The following TRPM3 variants were observed in gnomAD, a reference collection of about 807,000 sequenced individuals.
The protein encoded by TRPM3 is transient receptor potential cation channel subfamily M member 3, also known as long transient receptor potential channel 3.
In TRPM3, 77 loss-of-function variants were observed where a neutral mutation model predicts 181.2. That is an observed-to-expected ratio of 0.42 (90% CI 0.35 to 0.51). The LOEUF is 0.51. TRPM3 is among the 20% of genes least tolerant of loss of function. The pLI, the probability that TRPM3 is intolerant of heterozygous loss-of-function variation, is 0.01. For synonymous variants in TRPM3, 745 were observed against 796.4 expected (o/e 0.94, Z 1.09); for missense variants, 1,759 against 2,196.7 (o/e 0.80, Z 3.98).
intron 1 of TRPM3, among the ~76,000 whole-genome samples, chr9:71,046,604 C>T (rs1053173932): frequency 1.3e-5 from 2 of 152,156 alleles, no homozygotes; most frequent in Admixed American, 6.5e-5. Flanking sequence ...ATCTATCCTC[C>T]CCGACCTATC....
At chr9:71,008,744 C>CTT (rs1156853230) in intron 1 of TRPM3, among the ~76,000 whole-genome samples, 2 of 152,172 alleles carry the variant, frequency 1.3e-5, no homozygotes, top group Non-Finnish European at 2.9e-5. Context: ...ACTCAGGAGG[C>CTT]TGAGGCAGGA....
At chr9:71,038,265 G>A (rs1458202818) in intron 1 of TRPM3, among the ~76,000 whole-genome samples, 1 of 152,198 alleles carries the variant, frequency 6.6e-6, no homozygotes, top group Non-Finnish European at 1.5e-5. Context: ...AGAGATCTGA[G>A]ATGCCTCTTG....
At chr9:71,349,126 C>A (rs2091458928) in intron 1 of TRPM3, among the ~76,000 whole-genome samples, 1 of 152,144 alleles carries the variant, frequency 6.6e-6, no homozygotes, top group African/African-American at 2.4e-5. Context: ...AGATTGCCTG[C>A]TCCAATGGTA....
At chr9:71,199,900 C>A (rs1405920171) in intron 1 of TRPM3, among the ~76,000 whole-genome samples, 1 of 152,008 alleles carries the variant, frequency 6.6e-6, no homozygotes, top group Non-Finnish European at 1.5e-5. Context: ...TTAGTTATTT[C>A]TTGCCTTCTG....
At chr9:70,897,785 C>G (rs2096301636) in intron 1 of TRPM3, among the ~76,000 whole-genome samples, 1 of 152,092 alleles carries the variant, frequency 6.6e-6, no homozygotes, top group Admixed American at 6.5e-5. Context: ...AAAATAATTA[C>G]TTTTGCACCA....
intron 6 of TRPM3, among the ~76,000 whole-genome samples, chr9:70,824,219 G>A (rs1466879600): frequency 6.6e-6 from 1 of 150,452 alleles, no homozygotes; most frequent in African/African-American, 2.4e-5. Context: ...CTTTAGCAAG[G>A]AAATGCTGAG....
At chr9:71,277,081 T>A (rs1361788548) in intron 1 of TRPM3, among the ~76,000 whole-genome samples, 1 of 152,216 alleles carries the variant, frequency 6.6e-6, no homozygotes. Flanking sequence ...TTACTTAAAT[T>A]ACCAAAACAG....
At chr9:71,069,333 C>T (rs561327614) in intron 1 of TRPM3, among the ~76,000 whole-genome samples, 2 of 152,064 alleles carry the variant, frequency 1.3e-5, no homozygotes, top group South Asian at 2.1e-4. Context: ...TGCACCACTG[C>T]GCCTGGCTAA....
At chr9:71,150,442 C>A (rs1224481410) in intron 1 of TRPM3, among the ~76,000 whole-genome samples, 1 of 152,060 alleles carries the variant, frequency 6.6e-6, no homozygotes, top group Non-Finnish European at 1.5e-5. Flanking sequence ...CTCTCTTATA[C>A]CTTTGAACAA....
intron 1 of TRPM3, among the ~76,000 whole-genome samples, chr9:71,319,542 G>A (rs2088994902): frequency 6.6e-6 from 1 of 152,032 alleles, no homozygotes; most frequent in African/African-American, 2.4e-5. Flanking sequence ...CCACATTGCT[G>A]AGGGTGAGTC....
At chr9:70,911,052 T>C (rs1589715576) in intron 1 of TRPM3, among the ~76,000 whole-genome samples, 1 of 152,328 alleles carries the variant, frequency 6.6e-6, no homozygotes, top group East Asian at 1.9e-4. Flanking sequence ...CTCAATGTGT[T>C]AGGAAATTCC....
At chr9:71,301,600 T>C (rs974915129) in intron 1 of TRPM3, among the ~76,000 whole-genome samples, 11 of 152,156 alleles carry the variant, frequency 7.2e-5, no homozygotes, top group Admixed American at 7.2e-4. Context: ...TCTATGTATA[T>C]CTTTTAAAGA....
At chr9:70,630,282 C>CTAT (rs999945689) in intron 12 of TRPM3, among the ~76,000 whole-genome samples, 33 of 152,340 alleles carry the variant, frequency 2.2e-4, no homozygotes, top group African/African-American at 7.5e-4. Context: ...AAGATTCTGT[C>CTAT]TATTTCTAAA....
intron 10 of TRPM3, among the ~76,000 whole-genome samples, chr9:70,639,591 A>G (rs2057743245): frequency 6.6e-6 from 1 of 152,014 alleles, no homozygotes; most frequent in Non-Finnish European, 1.5e-5. Context: ...TCTGAGGGAG[A>G]CCCCAGGCCA....
chr9:70,675,548 A>T (rs1352313142), intron 9 of TRPM3, among the ~76,000 whole-genome samples: 1 of 152,236 alleles, frequency 6.6e-6, no homozygotes, highest in Non-Finnish European at 1.5e-5. Flanking sequence ...AAATAAAATG[A>T]TAGGAACTAT....
In TRPM3 at chr9:71,363,205, A is replaced by T. The variant is rs539270243; in HGVS notation, c.183+83448T>A. Among the ~76,000 whole-genome samples, 4 of 152,330 alleles carry T rather than the reference A, an allele frequency of 2.6e-5. No homozygotes were observed. In the South Asian group the frequency reaches 8.3e-4, roughly 32 times the overall value. Reference sequence around the variant, plus strand: ...TTATATTAAGAGAAATGCCCAGTGAAATGAGAAGACATTTGATATTACTCT... The same window carrying T: ...TTATATTAAGAGAAATGCCCAGTGATATGAGAAGACATTTGATATTACTCT... On this transcript the variant is annotated intron_variant, in intron 1 of 24. Transcript: ENST00000357533.
intron 1 of TRPM3, among the ~76,000 whole-genome samples, chr9:71,029,013 G>T (rs2056950811): frequency 6.6e-6 from 1 of 151,810 alleles, no homozygotes; most frequent in Non-Finnish European, 1.5e-5. Flanking sequence ...TTCTAAAATT[G>T]ACCACACAAT....
At chr9:71,110,856 A>G (rs2070915695) in intron 1 of TRPM3, among the ~76,000 whole-genome samples, 1 of 152,206 alleles carries the variant, frequency 6.6e-6, no homozygotes, top group South Asian at 2.1e-4. Context: ...ACTAGATTTT[A>G]TCTCAAAATC....
At chr9:70,602,802 C>A (rs1356354601) in intron 20 of TRPM3, among the ~76,000 whole-genome samples, 1 of 152,214 alleles carries the variant, frequency 6.6e-6, no homozygotes, top group Non-Finnish European at 1.5e-5. Flanking sequence ...CCTGCACTCA[C>A]AACCTGAAGG....
Sources: allele counts gnomAD v4.1 joint callset (sites outside exome capture counted in the v4.1 genomes callset), GRCh38; gene constraint gnomAD v4.1.1; transcripts MANE v1.5; gene names NCBI Gene and HGNC (gene_info 2026-07-23, HGNC 2026-07-21).